Variants in EXD3 observed in about 807,000 individuals in gnomAD.
EXD3 encodes exonuclease mut-7 homolog.
In EXD3, 92 loss-of-function variants were observed where a neutral mutation model predicts 98.0. That is an observed-to-expected ratio of 0.94 (90% CI 0.79 to 1.12). The LOEUF (loss-of-function observed/expected upper bound fraction) is 1.12. EXD3 is among the 50% of genes most tolerant of loss of function. The probability of loss-of-function intolerance (pLI) is 0.00; values close to 1 mark genes in which losing one functional copy is unlikely to be tolerated. For missense variants in EXD3, 1,222 were observed against 1,191.6 expected, an observed-to-expected ratio of 1.03 and a Z score of -0.38; for synonymous variants, 569 against 526.0, an observed-to-expected ratio of 1.08 and a Z score of -1.12.
Position 137,393,478 on chromosome 9 carries a change from G to C in EXD3, c.55+1825C>G, listed in dbSNP as rs2131758255. Among the ~76,000 whole-genome samples the C allele has an allele frequency of 6.6e-6, 1 of 152,290 alleles. No homozygotes were observed. Among genetic ancestry groups the C allele is most frequent in the East Asian group, 1.9e-4 (1 of 5,184 alleles). On this transcript the variant is annotated intron_variant, in intron 2 of 21. Coordinates refer to ENST00000340951, the MANE Select transcript of EXD3 (RefSeq NM_017820.5). The surrounding 1 kb of genome is among the most constrained non-coding windows in gnomAD (Gnocchi z 4.6). ...GGACAGCCAGGGTTGTGCCTGCTGAGGGGGCCACATCCACACCAAGCCCCG... is the reference window on the plus strand; with the variant it reads ...GGACAGCCAGGGTTGTGCCTGCTGACGGGGCCACATCCACACCAAGCCCCG...
intron 1 of EXD3, among the ~76,000 whole-genome samples, chr9:137,402,635 C>A (rs1837527386): frequency 6.6e-6 from 1 of 152,188 alleles, no homozygotes; most frequent in Non-Finnish European, 1.5e-5. Flanking sequence ...GTCTTCTGAG[C>A]CCTCCAAACT....
At chr9:137,348,893 G>A (rs1834097255) in intron 16 of EXD3, among the ~76,000 whole-genome samples, 1 of 151,936 alleles carries the variant, frequency 6.6e-6, no homozygotes, top group South Asian at 2.1e-4. Context: ...TCAGGGGCAC[G>A]GCTGCCTCCT....
chr9:137,384,607 C>A (rs144729201), intron 2 of EXD3, among the ~76,000 whole-genome samples: 1 of 152,178 alleles, frequency 6.6e-6, no homozygotes, highest in Non-Finnish European at 1.5e-5. Flanking sequence ...ACATCAGGAC[C>A]GGCCGACAAT....
chr9:137,354,201 C>T (rs995605099), intron 10 of EXD3, 138 bp downstream of exon 10: 252 of 1,470,728 alleles, frequency 1.7e-4, no homozygotes, highest in Non-Finnish European at 2.1e-4. Flanking sequence ...AGCCACACGC[C>T]CCAACATGGG....
intron 17 of EXD3, among the ~76,000 whole-genome samples, chr9:137,332,679 T>C (rs1833144934): frequency 6.7e-6 from 1 of 149,372 alleles, no homozygotes; most frequent in African/African-American, 2.5e-5. Context: ...CCGTCTCTAC[T>C]AAAAAGCACA....
At chr9:137,422,368 C>A (rs181362683) in intron 1 of EXD3, among the ~76,000 whole-genome samples, 1 of 152,282 alleles carries the variant, frequency 6.6e-6, no homozygotes, top group Admixed American at 6.5e-5. Flanking sequence ...TGCCAGAAAG[C>A]ATTTCAAATG....
At chr9:137,326,245 G>C (rs1258526665) in intron 17 of EXD3, among the ~76,000 whole-genome samples, 1 of 152,174 alleles carries the variant, frequency 6.6e-6, no homozygotes, top group Non-Finnish European at 1.5e-5. Flanking sequence ...ACACTCTGGA[G>C]GAATAAAACA....
At position 137,308,370 on chromosome 9, in the gene EXD3, A is replaced by C. The variant is rs563720493; in HGVS notation, c.2279-724T>G. ...GCTCCTCCTTGAAGCCCAGGAGGCC[A>C]TGACCCTCATCTGGCCCCTCCCTGG... On this transcript the variant is annotated intron_variant, in intron 20 of 21. Transcript: ENST00000340951. Among the ~76,000 whole-genome samples the C allele has an allele frequency of 7.9e-5, 12 of 152,184 alleles. No homozygotes were observed. In the South Asian group the frequency reaches 2.5e-3, roughly 32 times the overall value.
chr9:137,351,952 G>T, intron 12 of EXD3, 114 bp downstream of exon 12: 46 of 1,361,944 alleles, frequency 3.4e-5, no homozygotes, highest in Non-Finnish European at 4.2e-5. Context: ...GGCACCTGGC[G>T]GGCTCATGCC....
At position 137,354,685 on chromosome 9, in the gene EXD3, C is replaced by A. The variant is rs766555862; in HGVS notation, c.831+15G>T. 1 of 1,610,156 alleles carries A rather than the reference C, an allele frequency of 6.2e-7. No homozygotes were observed. The highest frequency in any genetic ancestry group is 8.5e-7 in the Non-Finnish European group (1 of 1,179,678). ...CGCGGCTGGCTGCCCCCAGGACCCC[C>A]TCCTGCTCACGAACCTCCACAAACC... is the stretch of plus-strand genomic sequence containing the variant. On this transcript the variant is annotated intron_variant, in intron 9 of 21. Transcript: ENST00000340951.
chr9:137,417,993 C>T (rs1054889702), intron 1 of EXD3, among the ~76,000 whole-genome samples: 3 of 152,154 alleles, frequency 2.0e-5, no homozygotes, highest in African/African-American at 7.2e-5. Context: ...CACTGGGAGG[C>T]CGAGGACCCC....
At chr9:137,315,450 C>T (rs143033476) in intron 19 of EXD3, among the ~76,000 whole-genome samples, 213 of 152,308 alleles carry the variant, frequency 1.4e-3, no homozygotes, top group Non-Finnish European at 2.3e-3. Context: ...GTGGCCCCAG[C>T]CCCGGGTGTC....
intron 21 of EXD3, 141 bp from the exon 22 acceptor site, chr9:137,307,404 G>A: frequency 1.5e-6 from 2 of 1,349,572 alleles, no homozygotes; most frequent in Non-Finnish European, 2.0e-6. Context: ...CCTATCCGCT[G>A]ACTCTGCGTC....
intron 19 of EXD3, among the ~76,000 whole-genome samples, chr9:137,321,687 C>G (rs1323259642): frequency 6.6e-6 from 1 of 152,046 alleles, no homozygotes; most frequent in Admixed American, 6.5e-5. Context: ...CGTCCCACCC[C>G]CAAAAAACCC....
chr9:137,411,840 T>C (rs1417086270), intron 1 of EXD3, among the ~76,000 whole-genome samples: 2 of 152,124 alleles, frequency 1.3e-5, no homozygotes, highest in African/African-American at 4.8e-5. Context: ...CAAGACGGAC[T>C]GGAAGCCGGG....
intron 2 of EXD3, among the ~76,000 whole-genome samples, chr9:137,386,241 C>T (rs1836584901): frequency 6.6e-6 from 1 of 152,040 alleles, no homozygotes; most frequent in African/African-American, 2.4e-5. Flanking sequence ...CTGCAGTGAG[C>T]CCTGATTGTG....
At position 137,393,261 on chromosome 9, in the gene EXD3, C is replaced by T; in HGVS notation, c.55+2042G>A. Reference sequence around the variant, plus strand: ...CTGTGCAGGGAGAGTCAGCTCTGTGCTGAGGCGAACCCAGGGTCCCATGCG... The same window carrying T: ...CTGTGCAGGGAGAGTCAGCTCTGTGTTGAGGCGAACCCAGGGTCCCATGCG... On this transcript the variant is annotated intron_variant, in intron 2 of 21. Coordinates refer to ENST00000340951, the MANE Select transcript of EXD3 (RefSeq NM_017820.5). The surrounding 1 kb of genome is among the most constrained non-coding windows in gnomAD (Gnocchi z 4.6). The T allele has an allele frequency of 1.4e-6, 1 of 702,192 alleles. No individual in the cohort carries two copies. The highest frequency in any genetic ancestry group is 2.6e-6 in the Non-Finnish European group (1 of 384,752). 43.5% of individuals were successfully genotyped at this position (702,192 alleles called of 1,614,324 possible).
At chr9:137,318,422 G>A (rs1331267097) in intron 19 of EXD3, among the ~76,000 whole-genome samples, 2 of 152,124 alleles carry the variant, frequency 1.3e-5, no homozygotes, top group Non-Finnish European at 2.9e-5. Flanking sequence ...AGGGGCTGAC[G>A]CCACTGTTTC....
chr9:137,373,164 C>T, intron 4 of EXD3, 92 bp from the exon 5 acceptor site: 1 of 1,423,918 alleles, frequency 7.0e-7, no homozygotes. Context: ...GGAAGCAGCG[C>T]CTGCCACTGT....
Sources: gnomAD v4.1 joint callset for allele counts (sites outside exome capture counted in the v4.1 genomes callset) on GRCh38, gnomAD v4.1.1 for gene constraint, Gnocchi (gnomAD v3.1) non-coding constraint, MANE v1.5 for transcripts, NCBI Gene and HGNC (gene_info 2026-07-23, HGNC 2026-07-21) for gene names.